PILRA: variants seen among roughly 807,000 people sequenced by gnomAD.
PILRA encodes paired immunoglobin like type 2 receptor alpha, also known as paired immunoglobulin-like type 2 receptor alpha.
Under a neutral mutation model 33.1 loss-of-function variants are expected in PILRA, and 37 were observed. The observed-to-expected ratio is 1.12, with a 90% CI of 0.86 to 1.47. The LOEUF (loss-of-function observed/expected upper bound fraction) is 1.47. Ranked by LOEUF, PILRA falls within the 40% of genes most tolerant of loss-of-function variation. The pLI, the probability that PILRA is intolerant of heterozygous loss-of-function variation, is 0.00. For synonymous variants in PILRA, 146 were observed against 149.9 expected, an observed-to-expected ratio of 0.97 and a Z score of 0.19; for missense variants, 312 against 376.2, an observed-to-expected ratio of 0.83 and a Z score of 1.41.
At chr7:100,375,620 T>C (rs962492526) in intron 2 of PILRA, among the ~76,000 whole-genome samples, 6 of 152,172 alleles carry the variant, frequency 3.9e-5, no homozygotes, top group African/African-American at 1.4e-4. Context: ...TAATCCTAGC[T>C]ACTCGGGAGG....
intron 6 of PILRA, 72 bp downstream of exon 6, chr7:100,399,684 G>A: frequency 6.2e-7 from 1 of 1,611,610 alleles, no homozygotes. Context: ...GGGAGAAGGG[G>A]AGTGTGGTGT....
At chr7:100,382,996 A>G (rs1250283824) in intron 2 of PILRA, among the ~76,000 whole-genome samples, 1 of 152,178 alleles carries the variant, frequency 6.6e-6, no homozygotes, top group Non-Finnish European at 1.5e-5. Context: ...TCTGGACACA[A>G]ATGGATCAAT....
rs959715808 is a variant in PILRA, at chr7:100,376,597, T to C, written c.454+2164T>C. ...TCCCAGGTTCAAGCGATTCTCCCGC[T>C]CAGCCTCCAAGTAGCTAGAATTACA... is the stretch of plus-strand genomic sequence containing the variant. On this transcript the variant is annotated intron_variant, in intron 2 of 6. Transcript: ENST00000198536. Among the ~76,000 whole-genome samples, 5 of 142,544 alleles carry C rather than the reference T, an allele frequency of 3.5e-5. No individual in the cohort carries two copies. In the Admixed American group the frequency reaches 3.6e-4, roughly 10 times the overall value. The allele number at this position is 142,544 out of a possible 152,430, so 93.5% of individuals were successfully genotyped here. A position where few individuals can be genotyped will look rare whatever the true frequency, so the allele number is the denominator to read the frequency against.
chr7:100,372,421 C>G (rs1048869579), upstream of PILRA, among the ~76,000 whole-genome samples: 7 of 152,150 alleles, frequency 4.6e-5, no homozygotes, highest in African/African-American at 1.7e-4. Context: ...GCTGATGTCA[C>G]TTCCTCTGAT....
intron 2 of PILRA, among the ~76,000 whole-genome samples, chr7:100,389,103 A>G (rs1461990968): frequency 3.3e-5 from 5 of 152,132 alleles, no homozygotes; most frequent in Non-Finnish European, 7.4e-5. Flanking sequence ...AGAGATTTCT[A>G]TATCTTGAAA....
chr7:100,384,207 C>A (rs955668304), intron 2 of PILRA, among the ~76,000 whole-genome samples: 2 of 151,904 alleles, frequency 1.3e-5, no homozygotes, highest in African/African-American at 4.8e-5. Context: ...ACAGAATTGC[C>A]ATTTACTGAG....
chr7:100,397,190 A>G (rs10241492), intron 3 of PILRA, among the ~76,000 whole-genome samples: 26,141 of 149,210 alleles, frequency 0.18, 2,450 homozygotes, highest in Middle Eastern at 0.2. Flanking sequence ...GGGGTACCTC[A>G]AGGCCTGGGT....
At chr7:100,398,043 C>A (rs1395723448) in intron 4 of PILRA, 131 bp downstream of exon 4, 2 of 834,872 alleles carry the variant, frequency 2.4e-6, no homozygotes, top group African/African-American at 1.7e-5. Flanking sequence ...GCATCCCCAA[C>A]TTACCCATCC....
chr7:100,373,798 C>G, intron 1 of PILRA, 78 bp downstream of exon 1: 9 of 1,571,098 alleles, frequency 5.7e-6, no homozygotes, highest in Non-Finnish European at 7.8e-6. Flanking sequence ...GGTGGGACAT[C>G]TTGGGGAGGG....
At chr7:100,375,216 A>G (rs922527789) in intron 2 of PILRA, among the ~76,000 whole-genome samples, 56 of 152,154 alleles carry the variant, frequency 3.7e-4, no homozygotes, top group African/African-American at 1.3e-3. Flanking sequence ...ACACTAAGGG[A>G]TGTGTCTGCA....
At chr7:100,384,005 A>T (rs1791191370) in intron 2 of PILRA, among the ~76,000 whole-genome samples, 1 of 152,188 alleles carries the variant, frequency 6.6e-6, no homozygotes, top group Non-Finnish European at 1.5e-5. Flanking sequence ...GAGCGAAGTC[A>T]GAAGCAGGGA....
At chr7:100,381,647 T>A (rs945225706) in intron 2 of PILRA, among the ~76,000 whole-genome samples, 13 of 152,170 alleles carry the variant, frequency 8.5e-5, no homozygotes, top group Admixed American at 2.0e-4. Flanking sequence ...GAGCCCTTCA[T>A]CCCGCCGCTG....
chr7:100,397,788 G>A, intron 3 of PILRA, 91 bp from the exon 4 acceptor site: 1 of 1,351,508 alleles, frequency 7.4e-7, no homozygotes, highest in Non-Finnish European at 1.1e-6. Flanking sequence ...TCCCTCTAAG[G>A]AGGGCCTCAG....
intron 3 of PILRA, 47 bp downstream of exon 3, chr7:100,390,153 T>A: frequency 6.5e-7 from 1 of 1,527,692 alleles, no homozygotes; most frequent in Non-Finnish European, 9.1e-7. Flanking sequence ...CATCTGGGGG[T>A]TTCTCAAAGC....
chr7:100,376,244 C>T (rs1454797315), intron 2 of PILRA: 1 of 152,222 alleles, frequency 6.6e-6, no homozygotes, highest in African/African-American at 2.4e-5. Flanking sequence ...GCAAGACAGC[C>T]TTGAACTTTG....
At chr7:100,385,878 C>CTCAG (rs1328822129) in intron 2 of PILRA, among the ~76,000 whole-genome samples, 13 of 152,002 alleles carry the variant, frequency 8.6e-5, no homozygotes, top group Non-Finnish European at 1.3e-4. Context: ...ACCCACCCAC[C>CTCAG]TCAGCCTCCC....
At chr7:100,395,686 C>A (rs1046322973) in intron 3 of PILRA, among the ~76,000 whole-genome samples, 1 of 151,950 alleles carries the variant, frequency 6.6e-6, no homozygotes, top group Non-Finnish European at 1.5e-5. Flanking sequence ...TCTCCTTATA[C>A]CCAGAAGGAC....
chr7:100,377,970 C>T (rs1790993353), intron 2 of PILRA, among the ~76,000 whole-genome samples: 1 of 152,192 alleles, frequency 6.6e-6, no homozygotes, highest in Admixed American at 6.5e-5. Context: ...TTTCTTACAT[C>T]AGCACACAGG....
chr7:100,393,190 G>A (rs1052700331), intron 3 of PILRA, among the ~76,000 whole-genome samples: 1 of 151,884 alleles, frequency 6.6e-6, no homozygotes, highest in African/African-American at 2.4e-5. Flanking sequence ...TGAGGCATGA[G>A]AATCGCTTGA....
Sources: gnomAD v4.1 joint callset for allele counts (sites outside exome capture counted in the v4.1 genomes callset) on GRCh38, gnomAD v4.1.1 for gene constraint, MANE v1.5 for transcripts, NCBI Gene and HGNC (gene_info 2026-07-23, HGNC 2026-07-21) for gene names.